Variants in RGPD3 observed in about 807,000 individuals in gnomAD.
The protein encoded by RGPD3 is ranBP2-like and GRIP domain-containing protein 3.
Under a neutral mutation model 154.5 loss-of-function variants are expected in RGPD3, and 62 were observed. The observed-to-expected ratio is 0.40, with a 90% CI of 0.33 to 0.50. RGPD3 has a LOEUF of 0.50. Ranked by LOEUF, RGPD3 falls within the 20% of genes least tolerant of loss-of-function variation. The pLI is 0.59. For synonymous variants in RGPD3, 308 were observed against 607.0 expected, an observed-to-expected ratio of 0.51 and a Z score of 7.24; for missense variants, 919 against 1,716.8, an observed-to-expected ratio of 0.54 and a Z score of 8.21.
At chr2:106,465,726 G>T (rs1218667746) in intron 1 of RGPD3, among the ~76,000 whole-genome samples, 1 of 151,292 alleles carries the variant, frequency 6.6e-6, no homozygotes, top group Admixed American at 6.6e-5. Flanking sequence ...AAGAACTTTA[G>T]AATTTTTTTT....
chr2:106,466,203 C>A (rs1255324594), intron 1 of RGPD3, among the ~76,000 whole-genome samples: 1 of 152,164 alleles, frequency 6.6e-6, no homozygotes, highest in Non-Finnish European at 1.5e-5. Flanking sequence ...GAAGCGCCGG[C>A]GCCAACGGTC....
chr2:106,451,853 C>G, intron 6 of RGPD3, among the ~76,000 whole-genome samples: 1 of 151,886 alleles, frequency 6.6e-6, no homozygotes, highest in Non-Finnish European at 1.5e-5. Flanking sequence ...GACAGATGAA[C>G]TTTAATTTTC....
intron 18 of RGPD3, among the ~76,000 whole-genome samples, chr2:106,427,051 A>G (rs1359336378): frequency 6.6e-6 from 1 of 151,632 alleles, no homozygotes; most frequent in Non-Finnish European, 1.5e-5. Context: ...AGCAAAAAGA[A>G]AAAATAAAAT....
At chr2:106,449,771 A>G (rs1678053528) in intron 6 of RGPD3, among the ~76,000 whole-genome samples, 1 of 151,874 alleles carries the variant, frequency 6.6e-6, no homozygotes, top group Non-Finnish European at 1.5e-5. Flanking sequence ...TAATCCCAGC[A>G]CTTTGGGAGG....
rs200754716 is a variant in RGPD3 at position 106,432,345 on chromosome 2, C to A, written c.2469+590G>T. 3.1e-3 allele frequency among the ~76,000 whole-genome samples: 457 copies of A among 147,980 alleles called. 30 individuals carry two copies. Among genetic ancestry groups the A allele is most frequent in the African/African-American group, 0.011 (434 of 40,348 alleles). Reference sequence around the variant, plus strand: ...GCGGGTGCCTGTAATCCCAGCTACTCGGGAGGCTGAGGCAGGAGAGTCGCT... The same window carrying A: ...GCGGGTGCCTGTAATCCCAGCTACTAGGGAGGCTGAGGCAGGAGAGTCGCT... On this transcript the variant is annotated intron_variant, in intron 17 of 22. Coordinates refer to ENST00000409886, the MANE Select transcript of RGPD3 (RefSeq NM_001144013.2).
rs1490907196 is a variant in RGPD3, at chr2:106,467,528, C to G, written c.72+689G>C. On this transcript the variant is annotated intron_variant, in intron 1 of 22. Coordinates refer to ENST00000409886, the MANE Select transcript of RGPD3 (RefSeq NM_001144013.2). ...TGAGCCATCGAGGCCGCCGCTGGGC[C>G]GGGTTGAGGCCGCCGCCTCAACAGA... Among the ~76,000 whole-genome samples the G allele has an allele frequency of 4.6e-4, 28 of 60,938 alleles. 10 individuals are homozygous for G. The highest frequency in any genetic ancestry group is 7.5e-3 in the East Asian group (2 of 268). The allele number at this position is 60,938 out of a possible 152,430, so 40.0% of individuals were successfully genotyped here. A position where few individuals can be genotyped will look rare whatever the true frequency, so the allele number is the denominator to read the frequency against.
intron 6 of RGPD3, among the ~76,000 whole-genome samples, chr2:106,448,358 C>T (rs1677999396): frequency 1.3e-5 from 2 of 152,322 alleles, no homozygotes; most frequent in African/African-American, 4.8e-5. Flanking sequence ...GATCCGCCCG[C>T]CTCAGCTTAC....
chr2:106,451,087 C>CAA (rs10690405), intron 6 of RGPD3, among the ~76,000 whole-genome samples: 57,948 of 106,286 alleles, frequency 0.55, 14,616 homozygotes, highest in East Asian at 0.94. Context: ...GACTCCCTCT[C>CAA]AAAAAAAAAA....
At chr2:106,467,826 G>A (rs1328636453) in intron 1 of RGPD3, among the ~76,000 whole-genome samples, 1 of 138,948 alleles carries the variant, frequency 7.2e-6, no homozygotes, top group Non-Finnish European at 1.6e-5. Context: ...TCAACAGAGC[G>A]CGCCAGGGAG....
chr2:106,420,699 A>G (rs1268408775), intron 20 of RGPD3, among the ~76,000 whole-genome samples: 4 of 152,304 alleles, frequency 2.6e-5, no homozygotes, highest in Admixed American at 2.0e-4. Context: ...AAATCTATCG[A>G]TAAAGTTACT....
chr2:106,441,909 G>A (rs1430343916), intron 7 of RGPD3, among the ~76,000 whole-genome samples: 1 of 121,646 alleles, frequency 8.2e-6, no homozygotes, highest in African/African-American at 3.1e-5. Flanking sequence ...GGCCAGACAT[G>A]TTGGCTCACA....
In RGPD3 at chr2:106,458,984, T is replaced by C. The variant is rs915515064; in HGVS notation, c.140+281A>G. Among the ~76,000 whole-genome samples the C allele has an allele frequency of 2.1e-5, 3 of 141,272 alleles. No individual in the cohort carries two copies. In the Admixed American group the frequency reaches 2.4e-4, roughly 11 times the overall value. 92.7% of individuals were successfully genotyped at this position (141,272 alleles called of 152,430 possible). A position where few individuals can be genotyped will look rare whatever the true frequency, so the allele number is the denominator to read the frequency against. Reference sequence around the variant, plus strand: ...AAAACAAATTAAGATATAGGCATGGTCCTCTTTTACTTCAACAGAAGACAA... The same window carrying C: ...AAAACAAATTAAGATATAGGCATGGCCCTCTTTTACTTCAACAGAAGACAA... On this transcript the variant is annotated intron_variant, in intron 2 of 22. Transcript: ENST00000409886.
chr2:106,443,646 G>C lies in RGPD3; in HGVS notation c.979-2266C>G, dbSNP rs1237697721. Among the ~76,000 whole-genome samples, 5 of 101,724 alleles carry C rather than the reference G, an allele frequency of 4.9e-5. 1 individual carries two copies. In the East Asian group the frequency reaches 1.4e-3, roughly 29 times the overall value. 66.7% of individuals were successfully genotyped at this position (101,724 alleles called of 152,430 possible). On this transcript the variant is annotated intron_variant, in intron 7 of 22. Transcript: ENST00000409886. ...TGAATTTGTGACCAGTTAATTAGTTGTGAATCCACTCAATCAAATCATCTC... is the reference window on the plus strand; with the variant it reads ...TGAATTTGTGACCAGTTAATTAGTTCTGAATCCACTCAATCAAATCATCTC...
upstream of RGPD3, chr2:106,468,450 G>C (rs1212748909): frequency 7.1e-7 from 1 of 1,399,124 alleles, no homozygotes; most frequent in Non-Finnish European, 9.6e-7. Context: ...TGTGTGGAAC[G>C]TTGGCGACTT....
intron 6 of RGPD3, among the ~76,000 whole-genome samples, chr2:106,451,199 T>G (rs1423200192): frequency 6.6e-6 from 1 of 151,522 alleles, no homozygotes; most frequent in African/African-American, 2.4e-5. Context: ...ACCAAAAAAT[T>G]TGAGTATACA....
chr2:106,441,863 C>CAAAA (rs1166971652), intron 7 of RGPD3, among the ~76,000 whole-genome samples: 187 of 13,616 alleles, frequency 0.014, 21 homozygotes, highest in East Asian at 0.028. Flanking sequence ...GACTCCATCG[C>CAAAA]AAAAAAAAAA....
chr2:106,466,006 C>T (rs1678564736), intron 1 of RGPD3, among the ~76,000 whole-genome samples: 2 of 152,032 alleles, frequency 1.3e-5, no homozygotes, highest in Admixed American at 1.3e-4. Context: ...GGAGGTATGA[C>T]CTCCGCCGCA....
Position 106,424,742 on chromosome 2 carries a change from A to T in RGPD3, c.3225T>A (p.Ser1075Arg), listed in dbSNP as rs768993425. The change falls in exon 20 of 23, where the codon AGT becomes AGA. Residue 1075 changes from serine to arginine, a missense_variant. Transcript: ENST00000409886. Reference sequence around the variant, plus strand: ...TCCCCAAGCCCCTTTCTTTCCACTGACTTACCTCAGCATCAAATCTAAATA... The same window carrying T: ...TCCCCAAGCCCCTTTCTTTCCACTGTCTTACCTCAGCATCAAATCTAAATA... ...VKLFRFDAEVSQWKERGLGNL... is the reference protein window; with the variant it reads ...VKLFRFDAEVRQWKERGLGNL... 2 of 1,611,860 alleles carry T rather than the reference A, an allele frequency of 1.2e-6. No homozygotes were observed. The highest frequency in any genetic ancestry group is 4.5e-5 in the East Asian group (2 of 44,872).
At chr2:106,438,563 C>T (rs554696672) in intron 9 of RGPD3, among the ~76,000 whole-genome samples, 1 of 151,386 alleles carries the variant, frequency 6.6e-6, no homozygotes, top group South Asian at 2.1e-4. Flanking sequence ...AGGTGGATCA[C>T]CTGAGGTCAG....
Sources: allele counts gnomAD v4.1 joint callset (sites outside exome capture counted in the v4.1 genomes callset), GRCh38; gene constraint gnomAD v4.1.1; transcripts MANE v1.5; gene names NCBI Gene and HGNC (gene_info 2026-07-23, HGNC 2026-07-21).